The following SOX6 variants were observed in gnomAD, a reference collection of about 807,000 sequenced individuals.
The protein encoded by SOX6 is transcription factor SOX-6.
SOX6 carries 11 observed loss-of-function variants against 97.8 expected under a neutral mutation model. The observed-to-expected ratio is 0.11, with a 90% CI of 0.07 to 0.19. The LOEUF (loss-of-function observed/expected upper bound fraction) is 0.19, where lower values mean the gene tolerates loss of function less well. Among genes scored for constraint, SOX6 ranks in the 10% least tolerant of loss-of-function variants. The pLI is 1.00. For synonymous variants in SOX6, 360 were observed against 371.4 expected (o/e 0.97, Z 0.35); for missense variants, 810 against 1,039.5 (o/e 0.78, Z 3.04).
At chr11:16,517,280 G>A (rs1199961442) in intron 4 of SOX6, among the ~76,000 whole-genome samples, 1 of 151,466 alleles carries the variant, frequency 6.6e-6, no homozygotes, top group Admixed American at 6.6e-5. Context: ...AGACAGGGAT[G>A]CCCTCTCTCA....
chr11:16,469,162 G>A (rs1237076156), intron 1 of SOX6, among the ~76,000 whole-genome samples: 1 of 151,910 alleles, frequency 6.6e-6, no homozygotes, highest in East Asian at 1.9e-4. Context: ...AGGTCTCAGT[G>A]GTTTAATAGT....
At chr11:16,736,027 G>A (rs1300282325) in intron 2 of SOX6, among the ~76,000 whole-genome samples, 1 of 152,104 alleles carries the variant, frequency 6.6e-6, no homozygotes, top group African/African-American at 2.4e-5. Flanking sequence ...CAGTGACAGG[G>A]CCTCCTCTCC....
intron 3 of SOX6, among the ~76,000 whole-genome samples, chr11:16,650,594 AC>A (rs541531141): frequency 6.6e-6 from 1 of 152,152 alleles, no homozygotes; most frequent in South Asian, 2.1e-4. Context: ...TAGTGACATA[AC>A]ATAAAAAAGC....
At chr11:16,153,741 G>A (rs1428643107) in intron 6 of SOX6, among the ~76,000 whole-genome samples, 1 of 152,034 alleles carries the variant, frequency 6.6e-6, no homozygotes, top group Non-Finnish European at 1.5e-5. Context: ...CCACAGAAGT[G>A]AATAGACTAG....
intron 1 of SOX6, among the ~76,000 whole-genome samples, chr11:16,444,619 C>T (rs1488448800): frequency 6.6e-6 from 1 of 152,070 alleles, no homozygotes; most frequent in African/African-American, 2.4e-5. Context: ...AAGTTAGTCC[C>T]CTTCCCTCCC....
intron 4 of SOX6, among the ~76,000 whole-genome samples, chr11:16,586,265 G>GA (rs34531777): frequency 0.17 from 25,368 of 150,278 alleles, 2,744 homozygotes; most frequent in East Asian, 0.31. Flanking sequence ...GCTGAAACAG[G>GA]AAAAAAAAAT....
chr11:16,181,901 A>G (rs184119397), intron 6 of SOX6, among the ~76,000 whole-genome samples: 1 of 151,840 alleles, frequency 6.6e-6, no homozygotes, highest in Non-Finnish European at 1.5e-5. Context: ...TGATTAGCTT[A>G]AATTAAAAAA....
chr11:16,276,170 TA>T (rs1854394546), intron 3 of SOX6, among the ~76,000 whole-genome samples: 1 of 152,144 alleles, frequency 6.6e-6, no homozygotes, highest in African/African-American at 2.4e-5. Context: ...CCACTTTCTG[TA>T]AATGTAACTC....
At chr11:16,567,797 GA>G (rs1280353955) in intron 4 of SOX6, among the ~76,000 whole-genome samples, 1 of 144,618 alleles carries the variant, frequency 6.9e-6, no homozygotes, top group Non-Finnish European at 1.5e-5. Flanking sequence ...GGCTTGTCTC[GA>G]ACTCCTGACC....
At chr11:16,039,347 GT>G (rs1280311382) in intron 12 of SOX6, among the ~76,000 whole-genome samples, 1 of 151,988 alleles carries the variant, frequency 6.6e-6, no homozygotes, top group Non-Finnish European at 1.5e-5. Flanking sequence ...CTTTTACTGT[GT>G]TTGATCAGTG....
In SOX6 at chr11:16,094,512, G is replaced by A. The variant is rs539523513; in HGVS notation, c.1101+1484C>T. On this transcript the variant is annotated intron_variant, in intron 9 of 15. Coordinates refer to ENST00000683767, the MANE Select transcript of SOX6 (RefSeq NM_001367873.1). ...GGAGAGGAAACAGAAAAGTCCAGCA[G>A]GAGAGGAAGTCTTGAGTTTGAGCCA... Among the ~76,000 whole-genome samples, 6 of 152,016 alleles carry A rather than the reference G, an allele frequency of 3.9e-5. No homozygotes were observed. In the East Asian group the frequency reaches 9.7e-4, roughly 25 times the overall value.
chr11:16,502,794 C>A (rs1311768002), intron 4 of SOX6, among the ~76,000 whole-genome samples: 1 of 152,008 alleles, frequency 6.6e-6, no homozygotes, highest in Non-Finnish European at 1.5e-5. Flanking sequence ...GATAGAAAAC[C>A]TATTTAACCA....
chr11:16,642,369 T>G (rs10832662), intron 3 of SOX6, among the ~76,000 whole-genome samples: 40,534 of 151,920 alleles, frequency 0.27, 6,075 homozygotes, highest in East Asian at 0.53. Context: ...TCATTTCAAC[T>G]TTGGTGAATC....
chr11:16,711,833 C>T (rs1478409177), intron 3 of SOX6, among the ~76,000 whole-genome samples: 2 of 151,898 alleles, frequency 1.3e-5, no homozygotes, highest in South Asian at 2.1e-4. Flanking sequence ...CAGTATACAC[C>T]GCACCACATG....
chr11:15,980,606 A>T (rs764610589), intron 15 of SOX6, among the ~76,000 whole-genome samples: 86 of 152,148 alleles, frequency 5.7e-4, no homozygotes, highest in South Asian at 1.0e-3. Flanking sequence ...TACTGCCAGG[A>T]AAAAGCCTTA....
chr11:16,716,764 A>C (rs766306597), intron 2 of SOX6, among the ~76,000 whole-genome samples: 1 of 152,084 alleles, frequency 6.6e-6, no homozygotes, highest in African/African-American at 2.4e-5. Flanking sequence ...AAAAACAGTA[A>C]TGATTCTCAT....
intron 4 of SOX6, among the ~76,000 whole-genome samples, chr11:16,582,726 T>C (rs1296366952): frequency 6.6e-6 from 1 of 152,106 alleles, no homozygotes; most frequent in Non-Finnish European, 1.5e-5. Flanking sequence ...GATAAAATAG[T>C]GGGTTTCTCA....
chr11:16,584,251 C>CA (rs913931787), intron 4 of SOX6, among the ~76,000 whole-genome samples: 6 of 151,950 alleles, frequency 3.9e-5, no homozygotes, highest in African/African-American at 1.5e-4. Flanking sequence ...AATCACACCA[C>CA]AAAAAAGGGA....
rs1381497491 is a variant in SOX6 at position 15,972,756 on chromosome 11, T to C, written c.*53A>G. 6.3e-7 allele frequency: 1 copy of C among 1,591,750 alleles called. No homozygotes were observed. Among genetic ancestry groups the C allele is most frequent in the African/African-American group, 1.3e-5 (1 of 74,446 alleles). On this transcript the variant is annotated 3_prime_UTR_variant, in exon 16 of 16. Coordinates refer to ENST00000683767, the MANE Select transcript of SOX6 (RefSeq NM_001367873.1). ...ATGCGGGCTCTTTAATAACTCTTTG[T>C]TGGGGAGGGGGGTGAAATGTCAGAG...
Sources: gnomAD v4.1 joint callset for allele counts (sites outside exome capture counted in the v4.1 genomes callset) on GRCh38, gnomAD v4.1.1 for gene constraint, MANE v1.5 for transcripts, NCBI Gene and HGNC (gene_info 2026-07-23, HGNC 2026-07-21) for gene names.